Variants in TASP1 observed in about 807,000 individuals in gnomAD.
TASP1 encodes the protein threonine aspartase 1.
Under a neutral mutation model 56.6 loss-of-function variants are expected in TASP1, and 16 were observed. The observed-to-expected ratio is 0.28, with a 90% CI of 0.19 to 0.43. The LOEUF (loss-of-function observed/expected upper bound fraction) is 0.43. Among genes scored for constraint, TASP1 ranks in the 20% least tolerant of loss-of-function variants. The probability of loss-of-function intolerance (pLI) is 1.00; values close to 1 mark genes in which losing one functional copy is unlikely to be tolerated. For missense variants in TASP1, 393 were observed against 511.6 expected, an observed-to-expected ratio of 0.77 and a Z score of 2.24; for synonymous variants, 179 against 184.2, an observed-to-expected ratio of 0.97 and a Z score of 0.23.
At chr20:13,379,286 T>C in the TASP1 span, among the ~76,000 whole-genome samples, 1 of 152,212 alleles carries the variant, frequency 6.6e-6, no homozygotes, top group African/African-American at 2.4e-5. Context: ...ACAAAATCTC[T>C]CAGCATTTGC....
intron 13 of TASP1, chr20:13,393,668 G>C: frequency 7.7e-7 from 1 of 1,304,598 alleles, no homozygotes; most frequent in Non-Finnish European, 1.1e-6. Flanking sequence ...TGGCCTCCAA[G>C]GAATAAGACC....
chr20:13,354,564 T>C, the TASP1 span, among the ~76,000 whole-genome samples: 1 of 152,176 alleles, frequency 6.6e-6, no homozygotes, highest in Non-Finnish European at 1.5e-5. Flanking sequence ...AAAAAGACAT[T>C]TCCAGACACA....
chr20:13,146,022 A>C, the TASP1 span, among the ~76,000 whole-genome samples: 13 of 152,366 alleles, frequency 8.5e-5, no homozygotes, highest in Non-Finnish European at 1.8e-4. Context: ...CATGGAATCA[A>C]CCTAAATCCT....
chr20:13,540,183 G>A (rs918918693), intron 8 of TASP1, among the ~76,000 whole-genome samples: 36 of 152,150 alleles, frequency 2.4e-4, no homozygotes, highest in African/African-American at 7.7e-4. Context: ...ATGACATTAA[G>A]TAGGTCATTA....
intron 4 of TASP1, among the ~76,000 whole-genome samples, chr20:13,615,990 C>A (rs73270725): frequency 5.2e-4 from 79 of 152,170 alleles, no homozygotes; most frequent in African/African-American, 1.8e-3. Context: ...TCCTTCATTA[C>A]CAAGAGCAAA....
chr20:13,362,571 C>A, the TASP1 span, among the ~76,000 whole-genome samples: 3 of 150,676 alleles, frequency 2.0e-5, no homozygotes, highest in Non-Finnish European at 4.4e-5. Flanking sequence ...ACAGCCCCAC[C>A]CTTATCTCCC....
the TASP1 span, among the ~76,000 whole-genome samples, chr20:13,371,131 T>A: frequency 2.0e-5 from 3 of 152,156 alleles, no homozygotes; most frequent in African/African-American, 4.8e-5. Flanking sequence ...TTTGGATTCA[T>A]TTTCTCTATT....
intron 8 of TASP1, among the ~76,000 whole-genome samples, chr20:13,544,864 T>C (rs903561083): frequency 1.3e-5 from 2 of 152,154 alleles, no homozygotes; most frequent in Non-Finnish European, 2.9e-5. Context: ...GAGTAACAGA[T>C]AAAGGACTGG....
chr20:13,256,136 C>T, the TASP1 span, among the ~76,000 whole-genome samples: 7 of 152,092 alleles, frequency 4.6e-5, no homozygotes, highest in African/African-American at 1.7e-4. Flanking sequence ...TGGCTCATGC[C>T]TGTTATCCCA....
At chr20:13,105,412 T>G in the TASP1 span, among the ~76,000 whole-genome samples, 1 of 152,202 alleles carries the variant, frequency 6.6e-6, no homozygotes, top group Admixed American at 6.5e-5. Context: ...TGGAAAAGAC[T>G]GGGATTCCTC....
the TASP1 span, among the ~76,000 whole-genome samples, chr20:13,174,736 C>T: frequency 6.6e-6 from 1 of 151,032 alleles, no homozygotes; most frequent in Admixed American, 6.6e-5. Flanking sequence ...AGAAGATGAA[C>T]TTCTTTCATT....
chr20:13,268,150 TCTTCC>T, the TASP1 span, among the ~76,000 whole-genome samples: 8 of 141,510 alleles, frequency 5.7e-5, no homozygotes, highest in Admixed American at 7.1e-5. Flanking sequence ...TCTTCTCTTC[TCTTCC>T]CTTCCCTTCT....
chr20:13,559,729 T>A (rs891029183), intron 7 of TASP1, among the ~76,000 whole-genome samples: 3 of 152,050 alleles, frequency 2.0e-5, no homozygotes, highest in Non-Finnish European at 4.4e-5. Context: ...AAAAAAGTGA[T>A]CAACAGTGCT....
At chr20:13,339,517 T>C in the TASP1 span, among the ~76,000 whole-genome samples, 1 of 152,344 alleles carries the variant, frequency 6.6e-6, no homozygotes, top group South Asian at 2.1e-4. Context: ...ATTATAAACT[T>C]TTCCTTCATA....
At chr20:13,203,447 A>G in the TASP1 span, among the ~76,000 whole-genome samples, 2 of 152,248 alleles carry the variant, frequency 1.3e-5, no homozygotes, top group African/African-American at 4.8e-5. Flanking sequence ...AATTTAGTTC[A>G]TGGATCAAAC....
intron 8 of TASP1, among the ~76,000 whole-genome samples, chr20:13,548,373 G>C (rs558051256): frequency 1.3e-5 from 2 of 152,258 alleles, no homozygotes; most frequent in African/African-American, 4.8e-5. Flanking sequence ...GTTAGACTGT[G>C]ATGGGTCAAA....
At chr20:13,154,260 C>T in the TASP1 span, 27 of 1,280,164 alleles carry the variant, frequency 2.1e-5, no homozygotes, top group East Asian at 3.2e-4. Context: ...TTCACTCGTA[C>T]GGCTTCTCGG....
At chr20:13,316,119 C>G in the TASP1 span, among the ~76,000 whole-genome samples, 2 of 151,966 alleles carry the variant, frequency 1.3e-5, no homozygotes, top group South Asian at 4.2e-4. Flanking sequence ...GATATCACTA[C>G]AGATATCATG....
chr20:13,217,767 T>C, the TASP1 span, among the ~76,000 whole-genome samples: 2 of 152,234 alleles, frequency 1.3e-5, no homozygotes, highest in Non-Finnish European at 2.9e-5. Context: ...GTCTCAAAGA[T>C]TATACTTGTC....
Sources: gnomAD v4.1 joint callset for allele counts (sites outside exome capture counted in the v4.1 genomes callset) on GRCh38, gnomAD v4.1.1 for gene constraint, MANE v1.5 for transcripts, NCBI Gene and HGNC (gene_info 2026-07-23, HGNC 2026-07-21) for gene names.